EFCAB6: variants seen among roughly 807,000 people sequenced by gnomAD.
EFCAB6 encodes the protein EF-hand calcium binding domain 6.
Under a neutral mutation model 169.8 loss-of-function variants are expected in EFCAB6, and 156 were observed. The ratio of observed to expected loss-of-function variants is 0.92; its 90% CI spans 0.81 to 1.05. The LOEUF is 1.05. EFCAB6 is among the 50% of genes least tolerant of loss of function. The pLI, the probability that EFCAB6 is intolerant of heterozygous loss-of-function variation, is 0.00. For missense variants in EFCAB6, 1,800 were observed against 1,829.1 expected (o/e 0.98, Z 0.29); for synonymous variants, 698 against 676.4 (o/e 1.03, Z -0.50).
intron 30 of EFCAB6, among the ~76,000 whole-genome samples, chr22:43,531,598 C>T (rs533092277): frequency 7.2e-5 from 11 of 152,114 alleles, no homozygotes; most frequent in Non-Finnish European, 1.2e-4. Flanking sequence ...GGCAACAATG[C>T]GTAACACATC....
At chr22:43,658,930 C>T (rs1569332188) in intron 17 of EFCAB6, among the ~76,000 whole-genome samples, 1 of 152,208 alleles carries the variant, frequency 6.6e-6, no homozygotes, top group Non-Finnish European at 1.5e-5. Flanking sequence ...TAATGTGAGG[C>T]TGCCACCGGT....
chr22:43,768,273 A>G (rs1408871758), intron 4 of EFCAB6, among the ~76,000 whole-genome samples: 4 of 152,238 alleles, frequency 2.6e-5, no homozygotes, highest in Non-Finnish European at 5.9e-5. Flanking sequence ...CAGTCATTAA[A>G]ACACCCTGAC....
At chr22:43,787,354 A>ACACACATATG (rs1195786830) in intron 2 of EFCAB6, among the ~76,000 whole-genome samples, 1 of 5,998 alleles carries the variant, frequency 1.7e-4, no homozygotes, top group Non-Finnish European at 4.3e-4. Flanking sequence ...ACACATATGC[A>ACACACATATG]CACACACACA....
chr22:43,530,320 G>T (rs905406014), intron 31 of EFCAB6, among the ~76,000 whole-genome samples: 3 of 152,244 alleles, frequency 2.0e-5, no homozygotes, highest in African/African-American at 7.2e-5. Context: ...CGGGGTGTTT[G>T]TTAGGCTCTG....
intron 26 of EFCAB6, among the ~76,000 whole-genome samples, chr22:43,573,039 G>A (rs529513539): frequency 1.3e-5 from 2 of 152,344 alleles, no homozygotes; most frequent in South Asian, 2.1e-4. Context: ...AGGGGACCCC[G>A]GAGGTGAGGC....
intron 7 of EFCAB6, among the ~76,000 whole-genome samples, chr22:43,732,499 G>A (rs997657469): frequency 7.3e-5 from 9 of 123,058 alleles, no homozygotes; most frequent in Non-Finnish European, 1.3e-4. Flanking sequence ...GCAGAATCTC[G>A]CTCTGTTGCC....
At chr22:43,543,136 C>T (rs949368760) in intron 27 of EFCAB6, among the ~76,000 whole-genome samples, 8 of 152,176 alleles carry the variant, frequency 5.3e-5, no homozygotes, top group Non-Finnish European at 1.2e-4. Flanking sequence ...AGGGGAGGGA[C>T]GGAATTACAC....
At chr22:43,699,911 T>C (rs990781882) in intron 10 of EFCAB6, among the ~76,000 whole-genome samples, 1 of 152,212 alleles carries the variant, frequency 6.6e-6, no homozygotes, top group South Asian at 2.1e-4. Flanking sequence ...AGAATGTGAG[T>C]GAAGACCTGC....
At chr22:43,641,953 T>C (rs1403715066) in intron 17 of EFCAB6, among the ~76,000 whole-genome samples, 2 of 152,224 alleles carry the variant, frequency 1.3e-5, no homozygotes, top group East Asian at 3.8e-4. Context: ...ACTGGCTTTT[T>C]TTTTGAGATG....
intron 17 of EFCAB6, among the ~76,000 whole-genome samples, chr22:43,664,875 C>A (rs914395316): frequency 6.6e-6 from 1 of 151,970 alleles, no homozygotes; most frequent in Non-Finnish European, 1.5e-5. Flanking sequence ...GCTGGGTTGA[C>A]GATGAACTGT....
chr22:43,670,218 T>A (rs1301947407), intron 15 of EFCAB6, among the ~76,000 whole-genome samples: 1 of 152,198 alleles, frequency 6.6e-6, no homozygotes, highest in African/African-American at 2.4e-5. Context: ...GCAAGTACAC[T>A]TGTTTCTGCA....
At chr22:43,716,214 C>T (rs1391589294) in intron 9 of EFCAB6, among the ~76,000 whole-genome samples, 3 of 152,134 alleles carry the variant, frequency 2.0e-5, no homozygotes, top group East Asian at 1.9e-4. Context: ...TTATAATCTT[C>T]GTTCCCCAAA....
At chr22:43,576,929 G>A (rs890697942) in intron 25 of EFCAB6, among the ~76,000 whole-genome samples, 11 of 152,148 alleles carry the variant, frequency 7.2e-5, no homozygotes, top group Non-Finnish European at 1.2e-4. Context: ...AGACCCCACC[G>A]CATCACATCA....
chr22:43,789,847 T>TCACTCACA (rs1556414972), intron 2 of EFCAB6, among the ~76,000 whole-genome samples: 73 of 143,402 alleles, frequency 5.1e-4, no homozygotes, highest in African/African-American at 1.8e-3. Flanking sequence ...TGGCTAACCT[T>TCACTCACA]CACACACACA....
Position 43,716,965 on chromosome 22 carries a change from C to T in EFCAB6, c.765G>A (p.Ser255=), listed in dbSNP as rs5764234. ...LRYCMGNQEV[S]LENQQAKNSK... ...AATTTTTGGCTTGTTGATTCTCCAA[C>T]GAGACCTCTGTTGAAACAAAATAGC... Residue 255 remains serine (S), a synonymous_variant, in exon 9 of 32, where the codon TCG becomes TCA. Transcript: ENST00000262726. 0.77 allele frequency: 1,191,705 copies of T among 1,546,332 alleles called. 459,986 individuals are homozygous for T. Among genetic ancestry groups the T allele is most frequent in the East Asian group, 0.84 (35,019 of 41,612 alleles).
chr22:43,549,744 T>C (rs1254310375), intron 27 of EFCAB6, among the ~76,000 whole-genome samples: 1 of 152,200 alleles, frequency 6.6e-6, no homozygotes, highest in Non-Finnish European at 1.5e-5. Context: ...AGAAAATTCA[T>C]GAATGCAAAT....
intron 5 of EFCAB6, among the ~76,000 whole-genome samples, chr22:43,763,896 C>T (rs866194014): frequency 1.3e-5 from 2 of 152,098 alleles, no homozygotes; most frequent in Non-Finnish European, 1.5e-5. Flanking sequence ...CTTAACTTCC[C>T]GAGTACCTGG....
chr22:43,747,390 T>A (rs1331193125), intron 6 of EFCAB6, among the ~76,000 whole-genome samples: 1 of 152,238 alleles, frequency 6.6e-6, no homozygotes, highest in East Asian at 1.9e-4. Flanking sequence ...GGAACAGCAC[T>A]GGAGAAGCTG....
At chr22:43,778,674 TGCTCAC>T (rs1022456496) in intron 3 of EFCAB6, among the ~76,000 whole-genome samples, 12 of 152,196 alleles carry the variant, frequency 7.9e-5, no homozygotes, top group Non-Finnish European at 1.6e-4. Context: ...GTCTCACCAG[TGCTCAC>T]ACCTCAAAGA....
Sources: allele counts gnomAD v4.1 joint callset (sites outside exome capture counted in the v4.1 genomes callset), GRCh38; gene constraint gnomAD v4.1.1; transcripts MANE v1.5; gene names NCBI Gene and HGNC (gene_info 2026-07-23, HGNC 2026-07-21).